Variants in RAP1A observed in about 807,000 individuals in gnomAD.
RAP1A encodes the protein RAP1A, member of RAS oncogene family, also known as ras-related protein Rap-1A.
Under a neutral mutation model 26.4 loss-of-function variants are expected in RAP1A, and 6 were observed. That is an observed-to-expected ratio of 0.23 (90% CI 0.12 to 0.45). The LOEUF (loss-of-function observed/expected upper bound fraction) is 0.45. Ranked by LOEUF, RAP1A falls within the 20% of genes least tolerant of loss-of-function variation. The pLI is 0.99. For missense variants in RAP1A, 121 were observed against 217.2 expected (o/e 0.56, Z 2.78); for synonymous variants, 73 against 79.4 (o/e 0.92, Z 0.43).
At chr1:111,701,248 C>T (rs1662012707) in intron 4 of RAP1A, among the ~76,000 whole-genome samples, 1 of 152,142 alleles carries the variant, frequency 6.6e-6, no homozygotes, top group Admixed American at 6.6e-5. Context: ...GCTTCTCATA[C>T]ACTTTAGACA....
intron 1 of RAP1A, among the ~76,000 whole-genome samples, chr1:111,552,388 A>G (rs1657302118): frequency 1.3e-5 from 2 of 152,140 alleles, no homozygotes; most frequent in Non-Finnish European, 2.9e-5. Flanking sequence ...AGACTCAGCT[A>G]TTTTTCCTGA....
At chr1:111,571,019 G>A (rs763355500) in intron 1 of RAP1A, among the ~76,000 whole-genome samples, 1 of 152,114 alleles carries the variant, frequency 6.6e-6, no homozygotes, top group Non-Finnish European at 1.5e-5. Context: ...ACAGGGTAAG[G>A]GCTCAGTCTC....
At chr1:111,619,760 G>T, upstream of RAP1A, 1 of 395,740 alleles carries the variant, frequency 2.5e-6, no homozygotes, top group Middle Eastern at 6.4e-4. Context: ...CCTGCGTGGT[G>T]CGTGCGTGCG....
At chr1:111,577,127 G>A (rs74109811) in intron 1 of RAP1A, among the ~76,000 whole-genome samples, 7,348 of 152,196 alleles carry the variant, frequency 0.048, 621 homozygotes, top group African/African-American at 0.17. Flanking sequence ...ATTTGCTGAG[G>A]TGCGGTGGCT....
intron 1 of RAP1A, among the ~76,000 whole-genome samples, chr1:111,582,405 T>G (rs1658274809): frequency 6.6e-6 from 1 of 152,224 alleles, no homozygotes; most frequent in Admixed American, 6.5e-5. Flanking sequence ...ATCCTCTGTT[T>G]TACACTGTTT....
chr1:111,569,458 A>G lies in RAP1A; in HGVS notation c.-28+26949A>G, dbSNP rs550448194. Among the ~76,000 whole-genome samples, 315 of 152,020 alleles carry G rather than the reference A, an allele frequency of 2.1e-3. 3 individuals are homozygous for G. The highest frequency in any genetic ancestry group is 2.4e-3 in the Non-Finnish European group (165 of 67,994). ...TGCCAGGGGTCAGCACCCCTAACCT[A>G]ACCCCTTCATTATTCAGGGGTCAAC... On this transcript the variant is annotated intron_variant, in intron 1 of 7. Coordinates refer to the RAP1A transcript ENST00000356415.
intron 1 of RAP1A, among the ~76,000 whole-genome samples, chr1:111,589,778 C>A (rs959396331): frequency 1.3e-5 from 2 of 152,138 alleles, no homozygotes; most frequent in Non-Finnish European, 2.9e-5. Context: ...GTGGTGCTAT[C>A]ATGGCTCACT....
intron 1 of RAP1A, among the ~76,000 whole-genome samples, chr1:111,667,149 A>C (rs1036971280): frequency 2.0e-5 from 3 of 152,170 alleles, no homozygotes; most frequent in African/African-American, 4.8e-5. Flanking sequence ...GGCTAGAGTC[A>C]TGTAGTGGAA....
chr1:111,549,396 C>A (rs1657168106), intron 1 of RAP1A, among the ~76,000 whole-genome samples: 1 of 149,658 alleles, frequency 6.7e-6, no homozygotes, highest in African/African-American at 2.5e-5. Flanking sequence ...CGCTTGTAAT[C>A]CCAGCACTTC....
At chr1:111,607,003 TTTTATTTATTTA>T (rs370268151) in intron 1 of RAP1A, among the ~76,000 whole-genome samples, 1,796 of 145,780 alleles carry the variant, frequency 0.012, 37 homozygotes, top group African/African-American at 0.045. Flanking sequence ...ATTCATTTTC[TTTTATTTATTTA>T]TTTATTTATT....
chr1:111,664,695 GT>G (rs1660749971), intron 1 of RAP1A, among the ~76,000 whole-genome samples: 1 of 152,126 alleles, frequency 6.6e-6, no homozygotes, highest in Non-Finnish European at 1.5e-5. Flanking sequence ...GCATATACAA[GT>G]TTTATGTACA....
At chr1:111,625,468 A>G (rs1464728911) in intron 1 of RAP1A, among the ~76,000 whole-genome samples, 1 of 152,204 alleles carries the variant, frequency 6.6e-6, no homozygotes, top group Non-Finnish European at 1.5e-5. Flanking sequence ...TGCTGACTAT[A>G]CATTTCAGAT....
At position 111,573,726 on chromosome 1, in the gene RAP1A, A is replaced by AT. The variant is rs1333134482; in HGVS notation, c.-28+31223dup. ...TTCTCTAATGATCAGTGATATTTAG[A>AT]TTTTTTATATGCTTGTTGGCCACAT... On this transcript the variant is annotated intron_variant, in intron 1 of 7. Coordinates refer to the RAP1A transcript ENST00000356415. Among the ~76,000 whole-genome samples the AT allele has an allele frequency of 2.0e-5, 3 of 152,112 alleles. No homozygotes were observed. In the East Asian group the frequency reaches 5.8e-4, roughly 29 times the overall value.
intron 1 of RAP1A, among the ~76,000 whole-genome samples, chr1:111,674,910 C>CT (rs1661078009): frequency 6.6e-6 from 1 of 152,174 alleles, no homozygotes; most frequent in Non-Finnish European, 1.5e-5. Flanking sequence ...TTCAGTCCAT[C>CT]TTGCATACTG....
At chr1:111,673,401 G>T (rs1661032814) in intron 1 of RAP1A, among the ~76,000 whole-genome samples, 1 of 152,138 alleles carries the variant, frequency 6.6e-6, no homozygotes, top group South Asian at 2.1e-4. Flanking sequence ...TTCTACAGGA[G>T]AAACTTTTGT....
At chr1:111,650,663 A>G (rs1410816261) in intron 1 of RAP1A, 5 of 152,182 alleles carry the variant, frequency 3.3e-5, no homozygotes, top group Admixed American at 3.3e-4. Flanking sequence ...ATTGGTACAT[A>G]TGTTACAGCT....
chr1:111,605,408 T>C (rs1200378246), intron 1 of RAP1A, among the ~76,000 whole-genome samples: 2 of 152,232 alleles, frequency 1.3e-5, no homozygotes, highest in East Asian at 3.8e-4. Context: ...AGGCTAAGCA[T>C]ACATAATTTT....
chr1:111,658,685 G>A (rs1326663593), intron 1 of RAP1A, among the ~76,000 whole-genome samples: 1 of 152,142 alleles, frequency 6.6e-6, no homozygotes, highest in Non-Finnish European at 1.5e-5. Context: ...TCACATATGC[G>A]GTCTAAACAA....
At chr1:111,595,470 G>A (rs756687918) in intron 1 of RAP1A, among the ~76,000 whole-genome samples, 1 of 152,148 alleles carries the variant, frequency 6.6e-6, no homozygotes, top group African/African-American at 2.4e-5. Flanking sequence ...AAGCATCCTA[G>A]AGAATAGAGA....
Sources: gnomAD v4.1 joint callset for allele counts (sites outside exome capture counted in the v4.1 genomes callset) on GRCh38, gnomAD v4.1.1 for gene constraint, MANE v1.5 for transcripts, NCBI Gene and HGNC (gene_info 2026-07-23, HGNC 2026-07-21) for gene names.